Variants in LRRC37A3 observed in about 807,000 individuals in gnomAD.
The protein encoded by LRRC37A3 is leucine rich repeat containing 37 member A3, also known as leucine-rich repeat-containing protein 37A3.
In LRRC37A3, 25 loss-of-function variants were observed where a neutral mutation model predicts 106.2. The observed-to-expected ratio is 0.24, with a 90% confidence interval of 0.17 to 0.33. The LOEUF is 0.33. LRRC37A3 is among the 10% of genes least tolerant of loss of function. LRRC37A3 has a pLI of 1.00. For missense variants in LRRC37A3, 712 were observed against 1,644.9 expected, an observed-to-expected ratio of 0.43 and a Z score of 9.81; for synonymous variants, 305 against 635.8, an observed-to-expected ratio of 0.48 and a Z score of 7.83.
intron 8 of LRRC37A3, among the ~76,000 whole-genome samples, chr17:64,869,389 G>GA (rs1237096115): frequency 2.0e-5 from 3 of 149,820 alleles, no homozygotes; most frequent in South Asian, 2.1e-4. Context: ...GAACTACAAG[G>GA]AAAAAAAAAG....
In LRRC37A3 at chr17:64,890,785, T is replaced by C. The variant is rs530015282; in HGVS notation, c.2682-1033A>G. Among the ~76,000 whole-genome samples the C allele has an allele frequency of 4.3e-4, 62 of 144,172 alleles. 3 individuals are homozygous for C. The highest frequency in any genetic ancestry group is 1.7e-3 in the African/African-American group (60 of 34,534). 94.6% of individuals were successfully genotyped at this position (144,172 alleles called of 152,430 possible). A position where few individuals can be genotyped will look rare whatever the true frequency, so the allele number is the denominator to read the frequency against. Reference sequence around the variant, plus strand: ...AGGTGGAGGTTGCAGTGAGCCAAGATCGCACCATTGCACTCCAGCCTGGGC... The same window carrying C: ...AGGTGGAGGTTGCAGTGAGCCAAGACCGCACCATTGCACTCCAGCCTGGGC... On this transcript the variant is annotated intron_variant, in intron 5 of 14. Transcript: ENST00000584306.
chr17:64,913,086 T>C (rs1425947843), intron 2 of LRRC37A3, among the ~76,000 whole-genome samples: 5 of 151,552 alleles, frequency 3.3e-5, no homozygotes, highest in South Asian at 4.2e-4. Context: ...TAGAGTGCAA[T>C]GGCATGATCT....
intron 14 of LRRC37A3, 90 bp downstream of exon 14, chr17:64,855,750 C>T (rs1285176300): frequency 2.6e-5 from 42 of 1,588,720 alleles, no homozygotes; most frequent in East Asian, 1.6e-4. Flanking sequence ...TGCCGTGAGC[C>T]GAGATCGCGT....
At position 64,890,819 on chromosome 17, in the gene LRRC37A3, C is replaced by A. The variant is rs1475761016; in HGVS notation, c.2682-1067G>T. On this transcript the variant is annotated intron_variant, in intron 5 of 14. Transcript: ENST00000584306. The stretch of plus-strand genomic sequence containing the variant: ...TGCACTCCAGCCTGGGCAACAAGAA[C>A]AAAATTCCATCTGAAAAAATAAATA... Among the ~76,000 whole-genome samples the A allele has an allele frequency of 7.4e-3, 997 of 135,074 alleles. 80 individuals carry two copies. Among genetic ancestry groups the A allele is most frequent in the African/African-American group, 0.031 (916 of 30,030 alleles). 88.6% of individuals were successfully genotyped at this position (135,074 alleles called of 152,430 possible).
intron 2 of LRRC37A3, among the ~76,000 whole-genome samples, chr17:64,915,822 G>A (rs567905971): frequency 6.6e-6 from 1 of 152,320 alleles, no homozygotes; most frequent in South Asian, 2.1e-4. Flanking sequence ...AATTGGCCAG[G>A]CATGGTGGCT....
rs1370784172 is a variant in LRRC37A3, at chr17:64,860,675, T to A, written c.3471A>T (p.Val1157=). Residue 1157 remains valine, a synonymous_variant, in exon 12 of 15, where the codon GTA becomes GTT. Transcript: ENST00000584306. ...TATTCAGTCTCTGCCGGTTTTTGCC[T>A]ACAGTTTGAATCTTTGCCAGGCTGT... ...TGNSLAKIQT[V]GKNRQRLNRV... is the part of the protein sequence containing the mutation. The A allele has an allele frequency of 6.2e-7, 1 of 1,613,922 alleles. No homozygotes were observed. Among genetic ancestry groups the A allele is most frequent in the Non-Finnish European group, 8.5e-7 (1 of 1,179,890 alleles).
intron 8 of LRRC37A3, among the ~76,000 whole-genome samples, chr17:64,877,440 G>GA (rs1240215694): frequency 6.6e-6 from 1 of 152,036 alleles, no homozygotes; most frequent in Non-Finnish European, 1.5e-5. Flanking sequence ...GACCTCAGGC[G>GA]ATCTGCCTGC....
At position 64,874,321 on chromosome 17, in the gene LRRC37A3, C is replaced by T. The variant is rs1265771214; in HGVS notation, c.2907-5155G>A. Reference sequence around the variant, plus strand: ...GCGACCCCGTCTGGGAGGTGAGGAGCGTCTCTGCCTGGCTGCCCCGTCTGA... The same window carrying T: ...GCGACCCCGTCTGGGAGGTGAGGAGTGTCTCTGCCTGGCTGCCCCGTCTGA... On this transcript the variant is annotated intron_variant, in intron 8 of 14. Coordinates refer to ENST00000584306, the MANE Select transcript of LRRC37A3 (RefSeq NM_199340.5). Among the ~76,000 whole-genome samples, 9 of 148,702 alleles carry T rather than the reference C, an allele frequency of 6.1e-5. 1 individual carries two copies. The highest frequency in any genetic ancestry group is 9.9e-5 in the African/African-American group (4 of 40,226).
At position 64,894,757 on chromosome 17, in the gene LRRC37A3, C is replaced by T; in HGVS notation, c.2501G>A (p.Cys834Tyr). Reference protein sequence around the residue: ...ASTSTNICELCTCGDEMLSCI... With the variant: ...ASTSTNICELYTCGDEMLSCI... The stretch of plus-strand genomic sequence containing the variant: ...TGACAACATCTCATCTCCGCAGGTA[C>T]AGAGCTCACATATGTTGGTGCTTGT... The change falls in exon 4 of 15, where the codon TGT (cysteine) becomes TAT (tyrosine). Residue 834 changes from cysteine to tyrosine, a missense_variant. Transcript: ENST00000584306. The T allele has an allele frequency of 1.7e-6, 1 of 577,704 alleles. No homozygotes were observed. The highest frequency in any genetic ancestry group is 2.9e-6 in the Non-Finnish European group (1 of 340,012). The allele number at this position is 577,704 out of a possible 1,614,324, so 35.8% of individuals were successfully genotyped here.
intron 14 of LRRC37A3, 81 bp downstream of exon 14, chr17:64,855,759 G>A (rs529524249): frequency 6.3e-5 from 101 of 1,598,516 alleles, no homozygotes; most frequent in South Asian, 1.9e-4. Flanking sequence ...CCGAGATCGC[G>A]TCATTGCACT....
chr17:64,863,894 C>G (rs1972965925), intron 10 of LRRC37A3, among the ~76,000 whole-genome samples: 1 of 152,010 alleles, frequency 6.6e-6, no homozygotes, highest in South Asian at 2.1e-4. Flanking sequence ...GCCTCAACCC[C>G]CCTGGGCTCA....
In LRRC37A3 at chr17:64,909,636, C is replaced by T. The variant is rs571123391; in HGVS notation, c.-496+9114G>A. 3.5e-4 allele frequency: 54 copies of T among 152,356 alleles called. No homozygotes were observed. The East Asian group carries it at 0.01, about 29-fold the overall frequency. 9.4% of individuals were successfully genotyped at this position (152,356 alleles called of 1,614,324 possible). ...CTGCTTTAAAGAAAATGGATACTCC[C>T]CTTACCAAGCAGAAAGTAGGATTTT... is the stretch of plus-strand genomic sequence containing the variant. On this transcript the variant is annotated intron_variant, in intron 2 of 14. Transcript: ENST00000584306.
intron 2 of LRRC37A3, among the ~76,000 whole-genome samples, chr17:64,917,376 C>T (rs1043867334): frequency 3.5e-4 from 53 of 151,362 alleles, no homozygotes; most frequent in African/African-American, 1.2e-3. Flanking sequence ...ACAGTTTTGG[C>T]AGTTTCTTAT....
Position 64,916,823 on chromosome 17 carries a change from A to G in LRRC37A3, c.-496+1927T>C, listed in dbSNP as rs537567296. Among the ~76,000 whole-genome samples the G allele has an allele frequency of 5.2e-3, 794 of 151,318 alleles. 10 individuals are homozygous for G. The highest frequency in any genetic ancestry group is 0.018 in the African/African-American group (759 of 41,196). ...AAGACTTTAGTATTTTTCCATAAACAATGATATACAGATGGCAAATCAAAA... is the reference window on the plus strand; with the variant it reads ...AAGACTTTAGTATTTTTCCATAAACGATGATATACAGATGGCAAATCAAAA... On this transcript the variant is annotated intron_variant, in intron 2 of 14. Coordinates refer to ENST00000584306, the MANE Select transcript of LRRC37A3 (RefSeq NM_199340.5).
Position 64,896,069 on chromosome 17 carries a change from G to C in LRRC37A3, c.1189C>G (p.Pro397Ala). Residue 397 changes from proline (P) to alanine (A), a missense_variant, in exon 4 of 15, where the codon CCA (proline) becomes GCA (alanine). Physicochemically the swap from Pro to Ala is conservative, Grantham distance 27. Coordinates refer to ENST00000584306, the MANE Select transcript of LRRC37A3 (RefSeq NM_199340.5). Reference protein sequence around the residue: ...PEHHEVTVSPPGHHQTHHLAS... With the variant: ...PEHHEVTVSPAGHHQTHHLAS... ...AAATGATGAGTTTGATGGTGACCTGGAGGTGAAACTGTGACTTCATGATGT... is the reference window on the plus strand; with the variant it reads ...AAATGATGAGTTTGATGGTGACCTGCAGGTGAAACTGTGACTTCATGATGT... The C allele has an allele frequency of 1.3e-6, 2 of 1,550,908 alleles. No individual in the cohort carries two copies. Among genetic ancestry groups the C allele is most frequent in the South Asian group, 2.2e-5 (2 of 90,234 alleles).
At chr17:64,854,690 C>A (rs775928519) in intron 14 of LRRC37A3, 46 bp from the exon 15 acceptor site, 3 of 1,612,430 alleles carry the variant, frequency 1.9e-6, no homozygotes, top group Non-Finnish European at 2.5e-6. Context: ...TTGAAAGGAG[C>A]AATTAAGCTT....
rs1972757533 is a variant in LRRC37A3 at position 64,858,527 on chromosome 17, T to C, written c.4809+252A>G. Among the ~76,000 whole-genome samples the C allele has an allele frequency of 6.6e-6, 1 of 152,230 alleles. No individual in the cohort carries two copies. On this transcript the variant is annotated intron_variant, in intron 13 of 14. Transcript: ENST00000584306. Reference sequence around the variant, plus strand: ...TTGGGTGGGAGAAATTTTGCTATTATATCCACTTCTTAAAATAGTCTAGTG... The same window carrying C: ...TTGGGTGGGAGAAATTTTGCTATTACATCCACTTCTTAAAATAGTCTAGTG...
intron 8 of LRRC37A3, among the ~76,000 whole-genome samples, chr17:64,872,801 C>T (rs970515158): frequency 1.3e-5 from 2 of 152,100 alleles, no homozygotes; most frequent in Admixed American, 6.5e-5. Context: ...GGCAGACTGT[C>T]AGCATGGTCA....
intron 2 of LRRC37A3, among the ~76,000 whole-genome samples, chr17:64,912,347 A>G (rs529356909): frequency 6.6e-6 from 1 of 151,584 alleles, no homozygotes; most frequent in East Asian, 2.0e-4. Flanking sequence ...ATATATACAC[A>G]CATACACACA....
Sources: gnomAD v4.1 joint callset for allele counts (sites outside exome capture counted in the v4.1 genomes callset) on GRCh38, gnomAD v4.1.1 for gene constraint, MANE v1.5 for transcripts, NCBI Gene and HGNC (gene_info 2026-07-23, HGNC 2026-07-21) for gene names.